Variants in MEIS1 observed in about 807,000 individuals in gnomAD.
The protein encoded by MEIS1 is homeobox protein Meis1.
Under a neutral mutation model 50.8 loss-of-function variants are expected in MEIS1, and 5 were observed. The ratio of observed to expected loss-of-function variants is 0.10; its 90% confidence interval spans 0.05 to 0.21. MEIS1 has a LOEUF of 0.21. Ranked by LOEUF, MEIS1 falls within the 10% of genes least tolerant of loss-of-function variation. The probability of loss-of-function intolerance (pLI) is 1.00; values close to 1 mark genes in which losing one functional copy is unlikely to be tolerated. For synonymous variants in MEIS1, 176 were observed against 179.3 expected, an observed-to-expected ratio of 0.98 and a Z score of 0.15; for missense variants, 318 against 517.3, an observed-to-expected ratio of 0.61 and a Z score of 3.74.
intron 8 of MEIS1, among the ~76,000 whole-genome samples, chr2:66,517,132 C>G (rs1018289156): frequency 6.6e-6 from 1 of 152,152 alleles, no homozygotes; most frequent in African/African-American, 2.4e-5. Context: ...CAGCCAGCAT[C>G]CTTCAACAAC....
intron 9 of MEIS1, among the ~76,000 whole-genome samples, chr2:66,561,424 T>C (rs1430956185): frequency 6.6e-6 from 1 of 152,192 alleles, no homozygotes; most frequent in Non-Finnish European, 1.5e-5. Flanking sequence ...TTCTAAAATT[T>C]GAAAATATTT....
At chr2:66,538,949 G>A (rs544130076) in intron 8 of MEIS1, among the ~76,000 whole-genome samples, 2 of 152,166 alleles carry the variant, frequency 1.3e-5, no homozygotes, top group South Asian at 2.1e-4. Flanking sequence ...GTGCAGTGGC[G>A]CGATCTCGGC....
chr2:66,448,822 A>T (rs1227097197), intron 6 of MEIS1, among the ~76,000 whole-genome samples: 1 of 152,158 alleles, frequency 6.6e-6, no homozygotes, highest in Non-Finnish European at 1.5e-5. Context: ...GACTTCCTGT[A>T]AGAAGGTCTA....
chr2:66,539,774 G>A (rs994353748), intron 8 of MEIS1, among the ~76,000 whole-genome samples: 2 of 152,260 alleles, frequency 1.3e-5, no homozygotes, highest in Admixed American at 6.5e-5. Flanking sequence ...GCTGGATGCT[G>A]GAAGGAGAAC....
intron 9 of MEIS1, among the ~76,000 whole-genome samples, chr2:66,550,367 G>A (rs1674889244): frequency 6.6e-6 from 1 of 152,186 alleles, no homozygotes; most frequent in South Asian, 2.1e-4. Flanking sequence ...ACTAAAAGTT[G>A]TAAGAGAGAT....
intron 6 of MEIS1, among the ~76,000 whole-genome samples, chr2:66,448,832 A>G (rs560873743): frequency 5.3e-5 from 8 of 152,300 alleles, no homozygotes; most frequent in Admixed American, 2.6e-4. Context: ...AAGAAGGTCT[A>G]TAATTCAAAA....
intron 9 of MEIS1, among the ~76,000 whole-genome samples, chr2:66,558,907 TGAG>T (rs1675142052): frequency 6.6e-6 from 1 of 152,062 alleles, no homozygotes; most frequent in African/African-American, 2.4e-5. Flanking sequence ...TTTGGGAGGC[TGAG>T]GAGGGCAGAT....
intron 8 of MEIS1, among the ~76,000 whole-genome samples, chr2:66,539,738 A>G (rs1199935667): frequency 1.3e-5 from 2 of 152,156 alleles, no homozygotes; most frequent in Non-Finnish European, 2.9e-5. Flanking sequence ...TAATACTGCT[A>G]AGCTACTATT....
chr2:66,543,963 C>T (rs1475706098), intron 8 of MEIS1, among the ~76,000 whole-genome samples: 1 of 152,202 alleles, frequency 6.6e-6, no homozygotes, highest in Non-Finnish European at 1.5e-5. Flanking sequence ...TCCATCTTGC[C>T]TTCACAAGAG....
chr2:66,500,021 T>G (rs1232852388), intron 7 of MEIS1, among the ~76,000 whole-genome samples: 1 of 152,202 alleles, frequency 6.6e-6, no homozygotes, highest in Non-Finnish European at 1.5e-5. Flanking sequence ...GTTCTTGTCT[T>G]TTGCCTCTTT....
rs755548318 is a variant in MEIS1, at chr2:66,569,005, T to C, written c.1115-45T>C. On this transcript the variant is annotated intron_variant, in intron 11 of 12. Transcript: ENST00000272369. Reference sequence around the variant, plus strand: ...GGTCTTTTGGCACTATCTGTTGACTTTGCTCATTTTCTGGCCTCTTCTTGG... The same window carrying C: ...GGTCTTTTGGCACTATCTGTTGACTCTGCTCATTTTCTGGCCTCTTCTTGG... 26 of 1,561,694 alleles carry C rather than the reference T, an allele frequency of 1.7e-5. No individual in the cohort carries two copies. The South Asian group carries it at 2.8e-4, about 17-fold the overall frequency.
intron 7 of MEIS1, among the ~76,000 whole-genome samples, chr2:66,471,308 T>A (rs760806334): frequency 6.6e-6 from 1 of 152,222 alleles, no homozygotes; most frequent in Non-Finnish European, 1.5e-5. Context: ...TTATCAAATT[T>A]TGAACTCTCA....
At position 66,572,140 on chromosome 2, in the gene MEIS1, C is replaced by T. The variant is rs929537052; in HGVS notation, c.*932C>T. On this transcript the variant is annotated 3_prime_UTR_variant, in exon 13 of 13. Coordinates refer to ENST00000272369, the MANE Select transcript of MEIS1 (RefSeq NM_002398.3). ...CGGGAAGGATGGGAAAAACTGCAGTCATCAACAATGATTAATCAGCTGTTG... is the reference window on the plus strand; with the variant it reads ...CGGGAAGGATGGGAAAAACTGCAGTTATCAACAATGATTAATCAGCTGTTG... The T allele has an allele frequency of 6.5e-6, 1 of 152,750 alleles. No individual in the cohort carries two copies. Among genetic ancestry groups the T allele is most frequent in the Non-Finnish European group, 1.5e-5 (1 of 68,546 alleles). The allele number at this position is 152,750 out of a possible 1,614,324, so 9.5% of individuals were successfully genotyped here. A position where few individuals can be genotyped will look rare whatever the true frequency, so the allele number is the denominator to read the frequency against.
chr2:66,462,357 C>T (rs1287019907), intron 6 of MEIS1, among the ~76,000 whole-genome samples: 1 of 152,208 alleles, frequency 6.6e-6, no homozygotes, highest in African/African-American at 2.4e-5. Context: ...CGCAGGATCT[C>T]ATGCATCCTG....
intron 7 of MEIS1, among the ~76,000 whole-genome samples, chr2:66,464,947 C>T (rs942555603): frequency 1.2e-4 from 19 of 152,244 alleles, no homozygotes; most frequent in Middle Eastern, 3.4e-3. Context: ...CATGAGAGCC[C>T]GCTGTGTGGA....
intron 8 of MEIS1, among the ~76,000 whole-genome samples, chr2:66,535,094 T>C (rs1213125878): frequency 2.0e-5 from 3 of 152,198 alleles, no homozygotes; most frequent in Non-Finnish European, 1.5e-5. Context: ...CTACAGCTTT[T>C]TATTTTATCA....
chr2:66,552,221 C>T (rs577793365), intron 9 of MEIS1, among the ~76,000 whole-genome samples: 1 of 152,228 alleles, frequency 6.6e-6, no homozygotes, highest in Non-Finnish European at 1.5e-5. Flanking sequence ...GTACTTGTGT[C>T]GTACTTACTG....
chr2:66,473,397 A>AAAAAAAAAAAAAAAATATATAT, intron 7 of MEIS1, among the ~76,000 whole-genome samples: 4 of 107,596 alleles, frequency 3.7e-5, no homozygotes, highest in African/African-American at 2.3e-4. Flanking sequence ...AAAAAAAAAA[A>AAAAAAAAAAAAAAAATATATAT]ATATATATAT....
chr2:66,521,653 T>G (rs1674124599), intron 8 of MEIS1, among the ~76,000 whole-genome samples: 3 of 152,218 alleles, frequency 2.0e-5, no homozygotes, highest in Non-Finnish European at 4.4e-5. Flanking sequence ...GGTGGCATTT[T>G]AGTAGGCAGT....
Sources: allele counts gnomAD v4.1 joint callset (sites outside exome capture counted in the v4.1 genomes callset), GRCh38; gene constraint gnomAD v4.1.1; transcripts MANE v1.5; gene names NCBI Gene and HGNC (gene_info 2026-07-23, HGNC 2026-07-21).